The following DPP6 variants were observed in gnomAD, a reference collection of about 807,000 sequenced individuals.
DPP6 encodes A-type potassium channel modulatory protein DPP6.
A neutral mutation model predicts 122.6 loss-of-function variants in DPP6; 69 were observed. That is an observed-to-expected ratio of 0.56 (90% CI 0.46 to 0.69). The LOEUF is 0.69. Among genes scored for constraint, DPP6 ranks in the 30% least tolerant of loss-of-function variants. DPP6 has a pLI of 0.00. For synonymous variants in DPP6, 418 were observed against 433.1 expected, an observed-to-expected ratio of 0.97 and a Z score of 0.43; for missense variants, 928 against 1,116.9, an observed-to-expected ratio of 0.83 and a Z score of 2.41.
intron 1 of DPP6, among the ~76,000 whole-genome samples, chr7:154,342,034 T>C (rs1809980004): frequency 1.3e-5 from 2 of 152,202 alleles, no homozygotes; most frequent in Admixed American, 1.3e-4. Flanking sequence ...GTGATTCTTT[T>C]CTTGTTATCA....
In DPP6 at chr7:154,624,399, G is replaced by A. The variant is rs1834934928; in HGVS notation, c.628-13422G>A. On this transcript the variant is annotated intron_variant, in intron 5 of 25. Coordinates refer to ENST00000377770, the MANE Select transcript of DPP6 (RefSeq NM_130797.4). The surrounding 1 kb of genome is among the most constrained non-coding windows in gnomAD (Gnocchi z 4.7). ...CCCAGCTACTCAGAAGGCTGAGGCAGGAAAATCACTTGTACCCAGGAGACA... is the reference window on the plus strand; with the variant it reads ...CCCAGCTACTCAGAAGGCTGAGGCAAGAAAATCACTTGTACCCAGGAGACA... 6.6e-6 allele frequency among the ~76,000 whole-genome samples: 1 copy of A among 151,622 alleles called. No individual in the cohort carries two copies. Among genetic ancestry groups the A allele is most frequent in the Admixed American group, 6.6e-5 (1 of 15,228 alleles).
chr7:153,823,626 C>A, the DPP6 span, among the ~76,000 whole-genome samples: 94,735 of 141,918 alleles, frequency 0.67, 32,572 homozygotes, highest in African/African-American at 0.71. Context: ...GGAATCATGA[C>A]GGATATACTC....
At chr7:153,958,439 A>G (rs1795173953) in intron 1 of DPP6, among the ~76,000 whole-genome samples, 1 of 152,126 alleles carries the variant, frequency 6.6e-6, no homozygotes, top group African/African-American at 2.4e-5. Context: ...GGCAGAGCTC[A>G]GTCACTCGAC....
chr7:153,761,773 C>T, the DPP6 span, among the ~76,000 whole-genome samples: 74,099 of 152,046 alleles, frequency 0.49, 18,441 homozygotes, highest in East Asian at 0.68. Flanking sequence ...TATCCAATGC[C>T]GAATACTATT....
chr7:154,830,746 C>T (rs755517215), intron 16 of DPP6, among the ~76,000 whole-genome samples: 1 of 152,202 alleles, frequency 6.6e-6, no homozygotes, highest in Admixed American at 6.5e-5. Context: ...ACTATCTATA[C>T]GTCCACATTT....
intron 1 of DPP6, among the ~76,000 whole-genome samples, chr7:154,436,746 T>C (rs2151269449): frequency 6.6e-6 from 1 of 152,330 alleles, no homozygotes; most frequent in Admixed American, 6.5e-5. Flanking sequence ...CTCCTGTACC[T>C]TGACTTCCTC....
intron 1 of DPP6, among the ~76,000 whole-genome samples, chr7:154,213,759 C>T (rs2150813546): frequency 6.6e-6 from 1 of 152,234 alleles, no homozygotes; most frequent in South Asian, 2.1e-4. Context: ...TAATTGAAAT[C>T]ATAGGAGCAG....
At chr7:154,309,966 G>A (rs902039072) in intron 1 of DPP6, among the ~76,000 whole-genome samples, 2 of 152,182 alleles carry the variant, frequency 1.3e-5, no homozygotes, top group African/African-American at 4.8e-5. Flanking sequence ...TGAAGGAACT[G>A]CTGAAGAATA....
chr7:153,773,264 C>CATGTGTGTGTGT, the DPP6 span, among the ~76,000 whole-genome samples: 3 of 132,458 alleles, frequency 2.3e-5, no homozygotes, highest in African/African-American at 8.3e-5. Flanking sequence ...TCTTTTCTTT[C>CATGTGTGTGTGT]GTGTGTGTGT....
At chr7:154,825,133 A>G (rs908271932) in intron 16 of DPP6, among the ~76,000 whole-genome samples, 6 of 152,326 alleles carry the variant, frequency 3.9e-5, no homozygotes, top group African/African-American at 9.6e-5. Context: ...ACTTGAATCA[A>G]TATACCAGAT....
At chr7:154,005,345 G>A (rs1375808649) in intron 1 of DPP6, among the ~76,000 whole-genome samples, 1 of 152,110 alleles carries the variant, frequency 6.6e-6, no homozygotes, top group Non-Finnish European at 1.5e-5. Context: ...AGGGGCCGGG[G>A]GCTGAACTTT....
chr7:154,731,130 G>A (rs530008898), intron 8 of DPP6, among the ~76,000 whole-genome samples: 7 of 152,132 alleles, frequency 4.6e-5, no homozygotes, highest in African/African-American at 1.7e-4. Flanking sequence ...AGTAAACTTT[G>A]ATGATCGCTT....
the DPP6 span, among the ~76,000 whole-genome samples, chr7:153,880,121 T>C: frequency 1.3e-5 from 2 of 152,220 alleles, no homozygotes; most frequent in Non-Finnish European, 2.9e-5. Flanking sequence ...ATATTATAAT[T>C]TTATGCCATC....
intron 1 of DPP6, among the ~76,000 whole-genome samples, chr7:154,151,476 A>C (rs1212690009): frequency 1.3e-5 from 2 of 152,216 alleles, no homozygotes; most frequent in African/African-American, 4.8e-5. Flanking sequence ...TCACACAGGC[A>C]ATGCCCCGCC....
intron 1 of DPP6, among the ~76,000 whole-genome samples, chr7:154,299,204 G>T (rs985262659): frequency 6.6e-6 from 1 of 152,180 alleles, no homozygotes; most frequent in Non-Finnish European, 1.5e-5. Context: ...CCTCAAAGGG[G>T]TGCTGGCGTT....
intron 1 of DPP6, among the ~76,000 whole-genome samples, chr7:153,965,120 G>A (rs1015123568): frequency 6.0e-5 from 9 of 151,032 alleles, no homozygotes; most frequent in African/African-American, 9.8e-5. Context: ...ACAATACAGT[G>A]CTTTATCTGT....
At chr7:153,865,504 C>T in the DPP6 span, among the ~76,000 whole-genome samples, 1 of 152,150 alleles carries the variant, frequency 6.6e-6, no homozygotes, top group South Asian at 2.1e-4. Flanking sequence ...GTTTTAGCTA[C>T]AGTCCAAATG....
chr7:154,140,075 C>T (rs1795769105), intron 1 of DPP6, among the ~76,000 whole-genome samples: 1 of 152,158 alleles, frequency 6.6e-6, no homozygotes, highest in Non-Finnish European at 1.5e-5. Flanking sequence ...GGTAGCTGCT[C>T]ACTGGTCATG....
At position 154,821,663 on chromosome 7, in the gene DPP6, TAC is replaced by T. The variant is rs59554516; in HGVS notation, c.1666+14555_1666+14556del. Among the ~76,000 whole-genome samples the T allele has an allele frequency of 1.6e-4, 18 of 110,642 alleles. No individual in the cohort carries two copies. The highest frequency in any genetic ancestry group is 7.6e-4 in the African/African-American group (18 of 23,530). The allele number at this position is 110,642 out of a possible 152,430, so 72.6% of individuals were successfully genotyped here. A position where few individuals can be genotyped will look rare whatever the true frequency, so the allele number is the denominator to read the frequency against. ...ATATATATACACATATATATATATATACACATATATATATACACACACATATA... is the reference window on the plus strand; with the variant it reads ...ATATATATACACATATATATATATATACATATATATATACACACACATATA... On this transcript the variant is annotated intron_variant, in intron 16 of 25. Coordinates refer to ENST00000377770, the MANE Select transcript of DPP6 (RefSeq NM_130797.4). The surrounding 1 kb of genome is among the most constrained non-coding windows in gnomAD (Gnocchi z 4.2).
Sources: allele counts gnomAD v4.1 joint callset (sites outside exome capture counted in the v4.1 genomes callset), GRCh38; gene constraint gnomAD v4.1.1; non-coding constraint Gnocchi (gnomAD v3.1); transcripts MANE v1.5; gene names NCBI Gene and HGNC (gene_info 2026-07-23, HGNC 2026-07-21).